VEGFC: variants seen among roughly 807,000 people sequenced by gnomAD.
VEGFC encodes the protein FLT4 ligand DHM.
A neutral mutation model predicts 46.1 loss-of-function variants in VEGFC; 12 were observed. The ratio of observed to expected loss-of-function variants is 0.26; its 90% CI spans 0.17 to 0.42. The LOEUF (loss-of-function observed/expected upper bound fraction) is 0.42. VEGFC is among the 10% of genes least tolerant of loss of function. VEGFC has a pLI of 1.00. For missense variants in VEGFC, 488 were observed against 529.4 expected (o/e 0.92, Z 0.77); for synonymous variants, 232 against 195.5 (o/e 1.19, Z -1.56).
chr4:176,754,702 T>G (rs1484335706), intron 1 of VEGFC, among the ~76,000 whole-genome samples: 1 of 152,048 alleles, frequency 6.6e-6, no homozygotes, highest in Non-Finnish European at 1.5e-5. Flanking sequence ...CCTTCTGCCA[T>G]GTAGGTAACA....
rs141395138 is a variant in VEGFC at position 176,763,886 on chromosome 4, A to C, written c.147+28279T>G. 1.4e-4 allele frequency among the ~76,000 whole-genome samples: 21 copies of C among 152,280 alleles called. No individual in the cohort carries two copies. The East Asian group carries it at 3.9e-3, about 28-fold the overall frequency. On this transcript the variant is annotated intron_variant, in intron 1 of 6. Transcript: ENST00000618562. ...TTTCTGATTACAGGTGATAAAACTA[A>C]GTTTTCAATGGAACGGTATCTCAAA...
intron 1 of VEGFC, among the ~76,000 whole-genome samples, chr4:176,785,918 T>C (rs943251850): frequency 1.3e-5 from 2 of 152,188 alleles, no homozygotes; most frequent in African/African-American, 4.8e-5. Context: ...ATGGCAGAGA[T>C]GTCTATTTCT....
chr4:176,723,719 TG>T (rs532905609), intron 3 of VEGFC, among the ~76,000 whole-genome samples: 172 of 151,492 alleles, frequency 1.1e-3, no homozygotes, highest in African/African-American at 4.0e-3. Context: ...ATTTTAGGTT[TG>T]GGGGTGCATG....
At chr4:176,767,752 C>T (rs147392106) in intron 1 of VEGFC, among the ~76,000 whole-genome samples, 1 of 152,146 alleles carries the variant, frequency 6.6e-6, no homozygotes, top group East Asian at 1.9e-4. Context: ...TAGGGCCTTA[C>T]ATATAACAGG....
chr4:176,751,856 A>G (rs982721183), intron 1 of VEGFC, among the ~76,000 whole-genome samples: 2 of 151,880 alleles, frequency 1.3e-5, no homozygotes, highest in Non-Finnish European at 2.9e-5. Context: ...TTTTTTTCTC[A>G]TAACAATATC....
intron 1 of VEGFC, among the ~76,000 whole-genome samples, chr4:176,751,253 A>T (rs1318060333): frequency 3.3e-5 from 5 of 151,958 alleles, no homozygotes; most frequent in African/African-American, 9.7e-5. Context: ...GTAAACAAAC[A>T]GTCTTCCAAG....
chr4:176,734,190 T>C (rs1260445824), intron 1 of VEGFC, among the ~76,000 whole-genome samples: 3 of 151,900 alleles, frequency 2.0e-5, no homozygotes, highest in Admixed American at 6.6e-5. Context: ...GTGAGTATAA[T>C]AACTGTAAAA....
chr4:176,698,000 G>A (rs1430572981), intron 4 of VEGFC, among the ~76,000 whole-genome samples: 1 of 151,898 alleles, frequency 6.6e-6, no homozygotes, highest in South Asian at 2.1e-4. Context: ...TGGAGGGAGG[G>A]GGAGGGATAG....
chr4:176,764,569 T>C (rs1735584155), intron 1 of VEGFC, among the ~76,000 whole-genome samples: 1 of 152,070 alleles, frequency 6.6e-6, no homozygotes, highest in South Asian at 2.1e-4. Flanking sequence ...TTACAAAAAT[T>C]GAAGTTCAGA....
At chr4:176,758,331 G>A (rs767370097) in intron 1 of VEGFC, among the ~76,000 whole-genome samples, 8 of 152,060 alleles carry the variant, frequency 5.3e-5, no homozygotes, top group South Asian at 2.1e-4. Flanking sequence ...ATCATTGTGA[G>A]GTTTGCCACA....
Position 176,754,466 on chromosome 4 carries a change from C to G in VEGFC, c.148-24720G>C, listed in dbSNP as rs559318883. ...AGAAGAATACACTTTCTTCCCTTTT[C>G]TAGCTTCTAGAAGCTCCATGCTCTC... On this transcript the variant is annotated intron_variant, in intron 1 of 6. Coordinates refer to ENST00000618562, the MANE Select transcript of VEGFC (RefSeq NM_005429.5). Among the ~76,000 whole-genome samples the G allele has an allele frequency of 3.9e-5, 6 of 152,136 alleles. 1 individual carries two copies. In the South Asian group the frequency reaches 1.2e-3, roughly 32 times the overall value.
intron 1 of VEGFC, among the ~76,000 whole-genome samples, chr4:176,776,887 G>A (rs948145606): frequency 6.6e-6 from 1 of 152,096 alleles, no homozygotes; most frequent in Admixed American, 6.6e-5. Flanking sequence ...AATATTTATA[G>A]TTATTCCATT....
intron 1 of VEGFC, among the ~76,000 whole-genome samples, chr4:176,762,821 G>A (rs1178951703): frequency 6.6e-6 from 1 of 152,176 alleles, no homozygotes; most frequent in African/African-American, 2.4e-5. Context: ...GCTCCAGCTG[G>A]TGAACCTGGG....
chr4:176,702,768 G>C (rs998221952), intron 4 of VEGFC, among the ~76,000 whole-genome samples: 1 of 151,900 alleles, frequency 6.6e-6, no homozygotes, highest in Non-Finnish European at 1.5e-5. Flanking sequence ...CTCTTTGATT[G>C]TACTCTCTTG....
intron 3 of VEGFC, among the ~76,000 whole-genome samples, chr4:176,725,311 T>A (rs920022438): frequency 6.6e-6 from 1 of 152,260 alleles, no homozygotes; most frequent in East Asian, 1.9e-4. Context: ...TGTGGGGTTT[T>A]TTTGTTTTTG....
chr4:176,778,134 T>A (rs1245627422), intron 1 of VEGFC, among the ~76,000 whole-genome samples: 1 of 152,024 alleles, frequency 6.6e-6, no homozygotes, highest in Non-Finnish European at 1.5e-5. Flanking sequence ...TCCCCACAAT[T>A]ATGATCACTG....
At chr4:176,690,605 G>C (rs928077695) in intron 4 of VEGFC, among the ~76,000 whole-genome samples, 6 of 140,364 alleles carry the variant, frequency 4.3e-5, no homozygotes, top group African/African-American at 1.5e-4. Context: ...CAGACAGTCA[G>C]GACTTATCCA....
rs918632428 is a variant in VEGFC at position 176,692,765 on chromosome 4, C to CGCA, written c.705-4841_705-4839dup. Among the ~76,000 whole-genome samples, 7 of 148,030 alleles carry CGCA rather than the reference C, an allele frequency of 4.7e-5. No individual in the cohort carries two copies. The South Asian group carries it at 8.3e-4, about 18-fold the overall frequency. On this transcript the variant is annotated intron_variant, in intron 4 of 6. Coordinates refer to ENST00000618562, the MANE Select transcript of VEGFC (RefSeq NM_005429.5). The stretch of plus-strand genomic sequence containing the variant: ...GAAGAGAGCAGTGGTTCTCCCAGCA[C>CGCA]GCAGCTGGAGATCTGAGAACGGGCA...
chr4:176,689,492 T>C (rs1164714382), intron 4 of VEGFC: 1 of 152,234 alleles, frequency 6.6e-6, no homozygotes, highest in African/African-American at 2.4e-5. Context: ...CTCTACAGCA[T>C]CTACTAGACA....
Sources: gnomAD v4.1 joint callset for allele counts (sites outside exome capture counted in the v4.1 genomes callset) on GRCh38, gnomAD v4.1.1 for gene constraint, MANE v1.5 for transcripts, NCBI Gene and HGNC (gene_info 2026-07-23, HGNC 2026-07-21) for gene names.